Variants in UXS1 observed in about 807,000 individuals in gnomAD.
UXS1 encodes UDP-glucuronic acid decarboxylase 1.
Under a neutral mutation model 62.6 loss-of-function variants are expected in UXS1, and 33 were observed. The observed-to-expected ratio is 0.53, with a 90% CI of 0.40 to 0.70. The LOEUF is 0.70. UXS1 is among the 30% of genes least tolerant of loss of function. UXS1 has a pLI of 0.00. For missense variants in UXS1, 434 were observed against 556.3 expected, an observed-to-expected ratio of 0.78 and a Z score of 2.21; for synonymous variants, 213 against 206.8, an observed-to-expected ratio of 1.03 and a Z score of -0.26.
chr2:106,098,612 A>T lies in UXS1; in HGVS notation c.1042+104T>A, dbSNP rs1251307072. The T allele has an allele frequency of 5.4e-6, 5 of 929,670 alleles. No individual in the cohort carries two copies. The East Asian group carries it at 1.3e-4, about 24-fold the overall frequency. 57.6% of individuals were successfully genotyped at this position (929,670 alleles called of 1,614,324 possible). On this transcript the variant is annotated intron_variant, in intron 13 of 14. Coordinates refer to ENST00000283148, the MANE Select transcript of UXS1 (RefSeq NM_001253875.2). ...CTGATAAAAAGTTCTGCTTTGATCC[A>T]ATTCAATTAGCTTGTATTAATTACC...
rs193020763 is a variant in UXS1, at chr2:106,114,580, T to C, written c.760-1815A>G. Among the ~76,000 whole-genome samples, 11 of 152,334 alleles carry C rather than the reference T, an allele frequency of 7.2e-5. No homozygotes were observed. The East Asian group carries it at 2.1e-3, about 29-fold the overall frequency. ...TGTGCCTGGCAGGGGAAAAGCTCAATGGGTTAGGCAAAATTTGCAGCAAAT... is the reference window on the plus strand; with the variant it reads ...TGTGCCTGGCAGGGGAAAAGCTCAACGGGTTAGGCAAAATTTGCAGCAAAT... On this transcript the variant is annotated intron_variant, in intron 9 of 14. Transcript: ENST00000283148.
chr2:106,192,571 A>G (rs1685001509), intron 1 of UXS1, among the ~76,000 whole-genome samples: 1 of 142,600 alleles, frequency 7.0e-6, no homozygotes, highest in Non-Finnish European at 1.5e-5. Flanking sequence ...AAAAAAAAAA[A>G]CTTCCCATGG....
chr2:106,190,255 A>C (rs976793310), intron 1 of UXS1, among the ~76,000 whole-genome samples: 1 of 152,214 alleles, frequency 6.6e-6, no homozygotes, highest in African/African-American at 2.4e-5. Flanking sequence ...TCATGCTTGT[A>C]AACACTGCAT....
At chr2:106,153,982 T>G (rs1682235010) in intron 5 of UXS1, among the ~76,000 whole-genome samples, 1 of 152,146 alleles carries the variant, frequency 6.6e-6, no homozygotes. Context: ...GGAACTAGGC[T>G]AAAGAATCAG....
intron 9 of UXS1, among the ~76,000 whole-genome samples, chr2:106,116,002 G>C (rs1385233869): frequency 1.3e-5 from 2 of 152,196 alleles, no homozygotes; most frequent in Non-Finnish European, 2.9e-5. Flanking sequence ...AACTAGGCTG[G>C]AACAGTGTAA....
intron 1 of UXS1, among the ~76,000 whole-genome samples, chr2:106,174,815 A>G (rs1401781760): frequency 1.3e-5 from 2 of 152,248 alleles, no homozygotes; most frequent in African/African-American, 4.8e-5. Flanking sequence ...ACAGGCCCCA[A>G]GAGGTAGCCG....
At chr2:106,119,191 ACT>A (rs1469934035) in intron 9 of UXS1, among the ~76,000 whole-genome samples, 1 of 152,172 alleles carries the variant, frequency 6.6e-6, no homozygotes, top group African/African-American at 2.4e-5. Context: ...CATTCTGGGC[ACT>A]GTCCCACAAC....
At chr2:106,137,536 C>T (rs1680755840) in intron 6 of UXS1, among the ~76,000 whole-genome samples, 1 of 152,124 alleles carries the variant, frequency 6.6e-6, no homozygotes, top group African/African-American at 2.4e-5. Context: ...CACCTGTAAT[C>T]CTAGCACTTT....
chr2:106,109,988 G>C (rs1229222210), intron 10 of UXS1, among the ~76,000 whole-genome samples: 1 of 152,194 alleles, frequency 6.6e-6, no homozygotes, highest in Non-Finnish European at 1.5e-5. Flanking sequence ...TGTTTCTAAA[G>C]ACAGGCTGGC....
chr2:106,185,746 C>G (rs909603824), intron 1 of UXS1, among the ~76,000 whole-genome samples: 3 of 152,188 alleles, frequency 2.0e-5, no homozygotes, highest in South Asian at 2.1e-4. Flanking sequence ...TCCAGTTGGG[C>G]TCTAAATCTA....
Position 106,166,286 on chromosome 2 carries a change from G to T in UXS1, c.95-203C>A, listed in dbSNP as rs1302828567. On this transcript the variant is annotated intron_variant, in intron 1 of 14. Transcript: ENST00000283148. Reference sequence around the variant, plus strand: ...AAAACAGGATCGTAGAGTTTATTCAGGCCAAGTTTGAGAACTGCAACCCAG... The same window carrying T: ...AAAACAGGATCGTAGAGTTTATTCATGCCAAGTTTGAGAACTGCAACCCAG... The T allele has an allele frequency of 3.1e-5, 16 of 519,518 alleles. No homozygotes were observed. In the African/African-American group the frequency reaches 3.1e-4, roughly 10 times the overall value. 32.2% of individuals were successfully genotyped at this position (519,518 alleles called of 1,614,324 possible).
intron 1 of UXS1, among the ~76,000 whole-genome samples, chr2:106,173,846 CT>C (rs1683711813): frequency 6.6e-6 from 1 of 152,230 alleles, no homozygotes; most frequent in Non-Finnish European, 1.5e-5. Flanking sequence ...AAAACTAGCA[CT>C]GGGCTGGATA....
At chr2:106,123,361 T>C (rs1022098744) in intron 8 of UXS1, among the ~76,000 whole-genome samples, 5 of 152,202 alleles carry the variant, frequency 3.3e-5, no homozygotes, top group African/African-American at 1.2e-4. Context: ...TTCCGTAAAT[T>C]GTTCTTAACT....
chr2:106,099,197 C>T (rs1661817726), intron 12 of UXS1, among the ~76,000 whole-genome samples: 1 of 152,246 alleles, frequency 6.6e-6, no homozygotes, highest in South Asian at 2.1e-4. Flanking sequence ...GACTTGTAAT[C>T]TCACACCCAA....
intron 1 of UXS1, among the ~76,000 whole-genome samples, chr2:106,193,573 C>T (rs945343181): frequency 2.0e-5 from 3 of 151,968 alleles, no homozygotes; most frequent in African/African-American, 7.2e-5. Context: ...GGGGGAAAAC[C>T]TAGAATGGGG....
At chr2:106,184,616 G>A (rs1380867214) in intron 1 of UXS1, among the ~76,000 whole-genome samples, 3 of 152,150 alleles carry the variant, frequency 2.0e-5, no homozygotes, top group African/African-American at 7.2e-5. Context: ...CTCACATGGT[G>A]GAAGGGAGGA....
At chr2:106,191,733 G>T in intron 1 of UXS1, among the ~76,000 whole-genome samples, 1 of 152,146 alleles carries the variant, frequency 6.6e-6, no homozygotes, top group Non-Finnish European at 1.5e-5. Context: ...GCTCCTCCTA[G>T]AACACGCTCT....
intron 9 of UXS1, among the ~76,000 whole-genome samples, chr2:106,114,057 C>A (rs527251966): frequency 6.6e-6 from 1 of 152,296 alleles, no homozygotes; most frequent in East Asian, 1.9e-4. Context: ...ACCAGTATAG[C>A]GAGTTAAAGG....
At chr2:106,175,461 A>T (rs763697005) in intron 1 of UXS1, among the ~76,000 whole-genome samples, 5 of 152,214 alleles carry the variant, frequency 3.3e-5, no homozygotes, top group Non-Finnish European at 2.9e-5. Context: ...ATTATCTGGC[A>T]CACCTTGCAT....
Sources: gnomAD v4.1 joint callset for allele counts (sites outside exome capture counted in the v4.1 genomes callset) on GRCh38, gnomAD v4.1.1 for gene constraint, MANE v1.5 for transcripts, NCBI Gene and HGNC (gene_info 2026-07-23, HGNC 2026-07-21) for gene names.